The following LIN54 variants were observed in gnomAD, a reference collection of about 807,000 sequenced individuals.
LIN54 encodes the protein lin-54 DREAM MuvB core complex component, also known as protein lin-54 homolog.
LIN54 carries 9 observed loss-of-function variants against 78.7 expected under a neutral mutation model. The ratio of observed to expected loss-of-function variants is 0.11; its 90% confidence interval spans 0.07 to 0.20. The LOEUF is 0.20. Ranked by LOEUF, LIN54 falls within the 10% of genes least tolerant of loss-of-function variation. The probability of loss-of-function intolerance (pLI) is 1.00; values close to 1 mark genes in which losing one functional copy is unlikely to be tolerated. For synonymous variants in LIN54, 269 were observed against 318.4 expected (o/e 0.84, Z 1.65); for missense variants, 573 against 889.9 (o/e 0.64, Z 4.53).
At position 83,000,827 on chromosome 4, in the gene LIN54, C is replaced by CTTTTTTTTTTTTTTTTTTTTTT. The variant is rs1553959274; in HGVS notation, c.-33+9656_-33+9657insAAAAAAAAAAAAAAAAAAAAAA. On this transcript the variant is annotated intron_variant, in intron 1 of 12. Transcript: ENST00000340417. ...GCCATCAAGCCCAAAGCAATAAATT[C>CTTTTTTTTTTTTTTTTTTTTTT]TTTTTTTTTTTTTGGAGATAGAGTC... Among the ~76,000 whole-genome samples, 110 of 120,520 alleles carry CTTTTTTTTTTTTTTTTTTTTTT rather than the reference C, an allele frequency of 9.1e-4. 2 individuals are homozygous for CTTTTTTTTTTTTTTTTTTTTTT. Among genetic ancestry groups the CTTTTTTTTTTTTTTTTTTTTTT allele is most frequent in the Middle Eastern group, 5.1e-3 (1 of 198 alleles). 79.1% of individuals were successfully genotyped at this position (120,520 alleles called of 152,430 possible).
chr4:82,953,662 T>C (rs1471211594), intron 4 of LIN54, among the ~76,000 whole-genome samples: 2 of 152,076 alleles, frequency 1.3e-5, no homozygotes, highest in African/African-American at 4.8e-5. Context: ...AATCAGTCAG[T>C]ATCGCCCTGG....
At position 82,982,971 on chromosome 4, in the gene LIN54, T is replaced by C. The variant is rs1020143569; in HGVS notation, c.684+1190A>G. On this transcript the variant is annotated intron_variant, in intron 2 of 12. Coordinates refer to ENST00000340417, the MANE Select transcript of LIN54 (RefSeq NM_194282.4). The stretch of plus-strand genomic sequence containing the variant: ...ACTCTTTCAAACAGAGGATACATTT[T>C]TGTTTCCTGGTCATAAGTATATCAC... Among the ~76,000 whole-genome samples the C allele has an allele frequency of 3.9e-5, 6 of 152,212 alleles. 1 individual carries two copies. The highest frequency in any genetic ancestry group is 4.2e-4 in the South Asian group (2 of 4,818).
At position 83,010,796 on chromosome 4, in the gene LIN54, GGCCGCCGCC is replaced by G. The variant is rs943421255; in HGVS notation, c.-354_-346del. The G allele has an allele frequency of 6.5e-6, 8 of 1,234,112 alleles. No homozygotes were observed. The highest frequency in any genetic ancestry group is 8.1e-6 in the Non-Finnish European group (8 of 990,318). The allele number at this position is 1,234,112 out of a possible 1,614,324, so 76.4% of individuals were successfully genotyped here. A position where few individuals can be genotyped will look rare whatever the true frequency, so the allele number is the denominator to read the frequency against. On this transcript the variant is annotated 5_prime_UTR_variant, in exon 1 of 13. Transcript: ENST00000340417. ...CAGCTTCCCCGACAGCCGGAGCCCG[GGCCGCCGCC>G]GCCGCCGCCACCACCAGTAACCTCC...
intron 1 of LIN54, among the ~76,000 whole-genome samples, chr4:83,002,089 G>A (rs187845721): frequency 1.0e-3 from 157 of 151,292 alleles, no homozygotes; most frequent in African/African-American, 3.7e-3. Flanking sequence ...CAATGAGAAA[G>A]AAGATGTAGA....
intron 1 of LIN54, among the ~76,000 whole-genome samples, chr4:83,000,824 A>ATTTTTT (rs1553959263): frequency 3.1e-4 from 1 of 3,222 alleles, no homozygotes; most frequent in African/African-American, 9.1e-4. Context: ...AAAGCAATAA[A>ATTTTTT]TTCTTTTTTT....
chr4:82,976,789 A>G (rs1488731809), intron 3 of LIN54, among the ~76,000 whole-genome samples: 1 of 152,234 alleles, frequency 6.6e-6, no homozygotes, highest in Non-Finnish European at 1.5e-5. Context: ...TCCTTGTGAT[A>G]CAATTCAACA....
Position 82,960,819 on chromosome 4 carries a change from G to C in LIN54, c.951+9508C>G, listed in dbSNP as rs139989365. On this transcript the variant is annotated intron_variant, in intron 4 of 12. Transcript: ENST00000340417. ...TCATACATGTAATCCCAGCACTTTT[G>C]GGAGGCTGAGGCAGGTAGGTCGCTT... is the stretch of plus-strand genomic sequence containing the variant. 1.1e-3 allele frequency among the ~76,000 whole-genome samples: 167 copies of C among 152,248 alleles called. 1 individual carries two copies. The highest frequency in any genetic ancestry group is 3.9e-3 in the African/African-American group (162 of 41,530).
At chr4:82,931,393 A>G (rs980791384) in intron 11 of LIN54, among the ~76,000 whole-genome samples, 1 of 152,208 alleles carries the variant, frequency 6.6e-6, no homozygotes, top group Non-Finnish European at 1.5e-5. Flanking sequence ...CCCACTATGA[A>G]TATAGATTTT....
At chr4:82,985,377 T>C (rs1372895032) in intron 1 of LIN54, among the ~76,000 whole-genome samples, 1 of 152,240 alleles carries the variant, frequency 6.6e-6, no homozygotes, top group African/African-American at 2.4e-5. Context: ...TAAAAATCCA[T>C]TAAATACCCA....
chr4:82,984,363 A>G lies in LIN54; in HGVS notation c.482T>C (p.Leu161Pro), dbSNP rs756777581. The change falls in exon 2 of 13, where the codon CTA (leucine) becomes CCA (proline). Residue 161 changes from leucine to proline, a missense_variant. This residue lies in a region of LIN54 where 183 missense variants were observed against 228.4 expected (regional missense o/e 0.80). Coordinates refer to ENST00000340417, the MANE Select transcript of LIN54 (RefSeq NM_194282.4). The part of the protein sequence containing the change: ...PIVLALPHSQ[L>P]PQAQKVTTQA... Reference sequence around the variant, plus strand: ...AGTTGTAACTTTCTGAGCCTGGGGTAGTTGGCTATGGGGTAGTGCTAAAAC... The same window carrying G: ...AGTTGTAACTTTCTGAGCCTGGGGTGGTTGGCTATGGGGTAGTGCTAAAAC... The G allele has an allele frequency of 1.1e-5, 17 of 1,614,074 alleles. No homozygotes were observed. The highest frequency in any genetic ancestry group is 4.2e-6 in the Non-Finnish European group (5 of 1,180,028).
intron 11 of LIN54, among the ~76,000 whole-genome samples, chr4:82,932,168 C>T (rs1004666814): frequency 6.8e-6 from 1 of 148,062 alleles, no homozygotes; most frequent in African/African-American, 2.5e-5. Flanking sequence ...GATCTCAGCT[C>T]ACTGCAAGCT....
chr4:82,978,784 A>G (rs1726379699), intron 3 of LIN54, 99 bp downstream of exon 3: 1 of 679,070 alleles, frequency 1.5e-6, no homozygotes, highest in Non-Finnish European at 2.3e-6. Flanking sequence ...ATAATAAGCT[A>G]TATTTGTTAC....
chr4:83,002,310 A>T (rs1379731542), intron 1 of LIN54, among the ~76,000 whole-genome samples: 4 of 151,592 alleles, frequency 2.6e-5, no homozygotes, highest in African/African-American at 9.7e-5. Context: ...CTGAGGCATG[A>T]GGATCGCCTA....
intron 1 of LIN54, among the ~76,000 whole-genome samples, chr4:83,002,503 A>T (rs1560797886): frequency 6.6e-6 from 1 of 151,978 alleles, no homozygotes; most frequent in Non-Finnish European, 1.5e-5. Context: ...GGGGAAAAAA[A>T]GTTAGACAGA....
intron 1 of LIN54, among the ~76,000 whole-genome samples, chr4:82,989,916 A>G (rs1727515988): frequency 6.6e-6 from 1 of 152,204 alleles, no homozygotes; most frequent in African/African-American, 2.4e-5. Flanking sequence ...ATTGCCTTTC[A>G]GCAGAGCAGG....
At chr4:82,975,474 G>A (rs956293697) in intron 3 of LIN54, among the ~76,000 whole-genome samples, 1 of 152,008 alleles carries the variant, frequency 6.6e-6, no homozygotes, top group Non-Finnish European at 1.5e-5. Flanking sequence ...ACTTTGGGAG[G>A]CTGAGGTGGG....
chr4:83,001,867 G>GAAAGAAAGA (rs1442633899), intron 1 of LIN54, among the ~76,000 whole-genome samples: 794 of 8,314 alleles, frequency 0.096, 330 homozygotes, highest in East Asian at 0.11. Context: ...AAAAGGATAG[G>GAAAGAAAGA]AAGGAAGGAA....
intron 3 of LIN54, among the ~76,000 whole-genome samples, chr4:82,976,039 A>G (rs1459541002): frequency 6.6e-6 from 1 of 152,216 alleles, no homozygotes; most frequent in Non-Finnish European, 1.5e-5. Context: ...TTCCATGTAA[A>G]AGGAACCTTG....
At chr4:82,972,418 C>T (rs923730117) in intron 3 of LIN54, among the ~76,000 whole-genome samples, 1 of 152,062 alleles carries the variant, frequency 6.6e-6, no homozygotes, top group Non-Finnish European at 1.5e-5. Context: ...AACCTGAATA[C>T]ATCATAATTA....
Sources: allele counts gnomAD v4.1 joint callset (sites outside exome capture counted in the v4.1 genomes callset), GRCh38; gene constraint gnomAD v4.1.1; regional missense constraint gnomAD v4.1.1; transcripts MANE v1.5; gene names NCBI Gene and HGNC (gene_info 2026-07-23, HGNC 2026-07-21).